GNAS-AS1: variants seen among roughly 807,000 people sequenced by gnomAD.
GNAS-AS1 encodes GNAS antisense RNA 1.
intron 4 of GNAS-AS1, among the ~76,000 whole-genome samples, chr20:58,823,629 G>A (rs1193538984): frequency 2.0e-5 from 3 of 152,252 alleles, no homozygotes; most frequent in Non-Finnish European, 4.4e-5. Context: ...CACATGGATG[G>A]TGACAACTGC....
chr20:58,819,871 G>A (rs1379529850), intron 4 of GNAS-AS1, among the ~76,000 whole-genome samples: 3 of 152,196 alleles, frequency 2.0e-5, no homozygotes, highest in African/African-American at 7.2e-5. Flanking sequence ...AGGTGACCAC[G>A]ACCTCAGTGT....
chr20:58,840,442 G>A lies in GNAS-AS1; in HGVS notation n.819+1495C>T. On this transcript the variant is annotated intron_variant and non_coding_transcript_variant, in intron 4 of 4. Coordinates refer to ENST00000424094, the Ensembl canonical transcript of GNAS-AS1. This position sits in a 1 kb window ranked among gnomAD's most constrained non-coding sequence, Gnocchi z 6.0. ...AGGAAGAGTTCGACTACGAGACCGA[G>A]AGCGAGACCGAGTCCGAAATCGAGT... 2 of 1,613,518 alleles carry A rather than the reference G, an allele frequency of 1.2e-6. No homozygotes were observed. The highest frequency in any genetic ancestry group is 1.7e-6 in the Non-Finnish European group (2 of 1,179,834).
At chr20:58,819,863 G>A (rs1326233719) in intron 4 of GNAS-AS1, among the ~76,000 whole-genome samples, 3 of 152,212 alleles carry the variant, frequency 2.0e-5, no homozygotes, top group Non-Finnish European at 2.9e-5. Context: ...ACCCACACAG[G>A]TGACCACGAC....
intron 4 of GNAS-AS1, among the ~76,000 whole-genome samples, chr20:58,825,435 C>T (rs80140878): frequency 0.013 from 2,039 of 152,288 alleles, 44 homozygotes; most frequent in African/African-American, 0.046. Context: ...ACATCAGCCA[C>T]GCTGCCATTT....
intron 4 of GNAS-AS1, chr20:58,838,932 A>C (rs1034863893): frequency 5.0e-6 from 2 of 397,300 alleles, no homozygotes; most frequent in South Asian, 1.3e-4. Flanking sequence ...AAAAAAAAAA[A>C]AAAAAAAAAC....
chr20:58,843,511 G>A (rs1255218388), intron 2 of GNAS-AS1: 1 of 152,228 alleles, frequency 6.6e-6, no homozygotes, highest in Non-Finnish European at 1.5e-5. Context: ...ACTGGGGTTA[G>A]CATCTGAATA....
chr20:58,848,247 A>G (rs1176704358), intron 2 of GNAS-AS1, among the ~76,000 whole-genome samples: 2 of 152,166 alleles, frequency 1.3e-5, no homozygotes, highest in Non-Finnish European at 2.9e-5. Flanking sequence ...GGGTTTCGAC[A>G]GCCAATCCTG....
chr20:58,842,410 G>T (rs1025724428), intron 3 of GNAS-AS1: 8 of 398,398 alleles, frequency 2.0e-5, no homozygotes, highest in African/African-American at 1.6e-4. Flanking sequence ...CCTAAGAAAA[G>T]GATGATGATA....
intron 4 of GNAS-AS1, among the ~76,000 whole-genome samples, chr20:58,829,737 C>A (rs986728268): frequency 2.0e-5 from 3 of 152,210 alleles, no homozygotes; most frequent in Non-Finnish European, 4.4e-5. Context: ...TATTCCCTGC[C>A]TTGCCCAAAT....
chr20:58,830,449 C>CTA (rs2085554180), intron 4 of GNAS-AS1, among the ~76,000 whole-genome samples: 2 of 131,752 alleles, frequency 1.5e-5, no homozygotes, highest in Non-Finnish European at 1.6e-5. Context: ...ATTACCACCA[C>CTA]CACCATCACC....
chr20:58,821,304 G>A (rs1356098856), intron 4 of GNAS-AS1, among the ~76,000 whole-genome samples: 1 of 152,138 alleles, frequency 6.6e-6, no homozygotes, highest in Non-Finnish European at 1.5e-5. Flanking sequence ...CCCAGCTCCT[G>A]TGACTTGGCA....
rs756880829 is a variant in GNAS-AS1 at position 58,840,426 on chromosome 20, T to G, written n.819+1511A>C. The G allele has an allele frequency of 3.7e-6, 6 of 1,613,452 alleles. No homozygotes were observed. The East Asian group carries it at 1.3e-4, about 36-fold the overall frequency. On this transcript the variant is annotated intron_variant and non_coding_transcript_variant, in intron 4 of 4. Transcript: ENST00000424094. The surrounding 1 kb of genome is among the most constrained non-coding windows in gnomAD (Gnocchi z 6.0). ...GAGTGCCTAGAGTACGAGGAAGAGT[T>G]CGACTACGAGACCGAGAGCGAGACC...
At chr20:58,828,214 G>C (rs2085533133) in intron 4 of GNAS-AS1, among the ~76,000 whole-genome samples, 1 of 152,164 alleles carries the variant, frequency 6.6e-6, no homozygotes, top group Admixed American at 6.5e-5. Context: ...CTAAAGACAT[G>C]GTATAGTCTA....
Position 58,838,738 on chromosome 20 carries a change from C to T in GNAS-AS1, n.819+3199G>A, listed in dbSNP as rs997766030. The T allele has an allele frequency of 2.2e-4, 73 of 325,190 alleles. No individual in the cohort carries two copies. The Middle Eastern group carries it at 6.4e-3, about 29-fold the overall frequency. 20.1% of individuals were successfully genotyped at this position (325,190 alleles called of 1,614,324 possible). A position where few individuals can be genotyped will look rare whatever the true frequency, so the allele number is the denominator to read the frequency against. ...TTTGAAACCAGCCTGGCCAATATGG[C>T]GAAACCCCTCTCTACTAAAACTACA... On this transcript the variant is annotated intron_variant and non_coding_transcript_variant, in intron 4 of 4. Coordinates refer to ENST00000424094, the Ensembl canonical transcript of GNAS-AS1.
chr20:58,840,341 TC>T lies in GNAS-AS1; in HGVS notation n.819+1595del, dbSNP rs749968330. 5 of 1,612,602 alleles carry T rather than the reference TC, an allele frequency of 3.1e-6. No individual in the cohort carries two copies. Among genetic ancestry groups the T allele is most frequent in the Admixed American group, 3.3e-5 (2 of 59,972 alleles). On this transcript the variant is annotated intron_variant and non_coding_transcript_variant, in intron 4 of 4. Coordinates refer to ENST00000424094, the Ensembl canonical transcript of GNAS-AS1. This position sits in a 1 kb window ranked among gnomAD's most constrained non-coding sequence, Gnocchi z 6.0. ...CTCCGGCGCCCAGGTATTCCCTGAG[TC>T]CCCCGAATCGGAATCTGACCACGAG...
intron 4 of GNAS-AS1, among the ~76,000 whole-genome samples, chr20:58,836,074 G>A (rs545672033): frequency 3.9e-5 from 6 of 152,226 alleles, no homozygotes; most frequent in South Asian, 4.1e-4. Flanking sequence ...TGGGGGCGGG[G>A]GGGAGGATCG....
rs780943650 is a variant in GNAS-AS1 at position 58,840,163 on chromosome 20, C to T, written n.819+1774G>A. On this transcript the variant is annotated intron_variant and non_coding_transcript_variant, in intron 4 of 4. Transcript: ENST00000424094. The surrounding 1 kb of genome is among the most constrained non-coding windows in gnomAD (Gnocchi z 6.0). ...GCCGAGCTCGCCATAATTACAACGACCTGTGCCCGCCCATAGGCCGCCGGG... is the reference window on the plus strand; with the variant it reads ...GCCGAGCTCGCCATAATTACAACGATCTGTGCCCGCCCATAGGCCGCCGGG... 1.5e-5 allele frequency: 24 copies of T among 1,611,666 alleles called. No individual in the cohort carries two copies. Among genetic ancestry groups the T allele is most frequent in the Non-Finnish European group, 1.8e-5 (21 of 1,179,988 alleles).
At chr20:58,826,825 G>C (rs576999086) in intron 4 of GNAS-AS1, 4 of 146,298 alleles carry the variant, frequency 2.7e-5, no homozygotes, top group Admixed American at 6.8e-5. Flanking sequence ...TCAGCCTCCC[G>C]AGTAGCTGGG....
At chr20:58,821,112 C>T (rs940147934) in intron 4 of GNAS-AS1, among the ~76,000 whole-genome samples, 3 of 152,242 alleles carry the variant, frequency 2.0e-5, no homozygotes, top group Non-Finnish European at 1.5e-5. Context: ...CAATCAGACC[C>T]CAGTGCCATG....
Sources: allele counts gnomAD v4.1 joint callset (sites outside exome capture counted in the v4.1 genomes callset), GRCh38; gene constraint gnomAD v4.1.1; non-coding constraint Gnocchi (gnomAD v3.1); transcripts MANE v1.5; gene names NCBI Gene and HGNC (gene_info 2026-07-23, HGNC 2026-07-21).